NCL: variants seen among roughly 807,000 people sequenced by gnomAD.
The protein encoded by NCL is nucleolin multifunctional protein.
Under a neutral mutation model 77.7 loss-of-function variants are expected in NCL, and 4 were observed. The ratio of observed to expected loss-of-function variants is 0.05; its 90% CI spans 0.03 to 0.12. The LOEUF is 0.12. Among genes scored for constraint, NCL ranks in the 10% least tolerant of loss-of-function variants. The pLI is 1.00. For missense variants in NCL, 763 were observed against 860.9 expected (o/e 0.89, Z 1.42); for synonymous variants, 344 against 297.8 (o/e 1.16, Z -1.60).
chr2:231,456,900 AAATT>A (rs1171118298), intron 10 of NCL, 97 bp downstream of exon 10: 24 of 1,560,066 alleles, frequency 1.5e-5, no homozygotes, highest in Non-Finnish European at 2.1e-5. Flanking sequence ...TACGTAGCTA[AAATT>A]ATTTGGCTTT....
chr2:231,455,366 A>ATGCTATGTGGTGTCATTATC, intron 13 of NCL, 35 bp downstream of exon 13: 1 of 1,613,630 alleles, frequency 6.2e-7, no homozygotes, highest in Non-Finnish European at 8.5e-7. Context: ...TGAAGAGCAC[A>ATGCTATGTGGTGTCATTATC]TGCTATGTGG....
rs981199488 is a variant in NCL, at chr2:231,464,418, G to T, written c.-65C>A. Reference sequence around the variant, plus strand: ...AGTCCAGAAGAAGCCAAGCGACGGCGATGGCGGCCGCGGGTGCTGAAGATC... The same window carrying T: ...AGTCCAGAAGAAGCCAAGCGACGGCTATGGCGGCCGCGGGTGCTGAAGATC... On this transcript the variant is annotated 5_prime_UTR_variant, in exon 1 of 14. Transcript: ENST00000322723. 1.3e-6 allele frequency: 2 copies of T among 1,566,770 alleles called. No individual in the cohort carries two copies. Among genetic ancestry groups the T allele is most frequent in the African/African-American group, 2.7e-5 (2 of 73,680 alleles).
At chr2:231,458,609 C>T in intron 7 of NCL, 1 of 600,214 alleles carries the variant, frequency 1.7e-6, no homozygotes, top group South Asian at 2.2e-5. Flanking sequence ...GTTAGGTACA[C>T]TGGAGTTCAA....
chr2:231,456,550 A>G, intron 11 of NCL, 81 bp downstream of exon 11: 1 of 1,586,872 alleles, frequency 6.3e-7, no homozygotes, highest in South Asian at 1.1e-5. Context: ...TAGCAACAGG[A>G]AACACAGAAT....
intron 8 of NCL, 148 bp from the exon 9 acceptor site, chr2:231,457,948 C>G (rs1298528137): frequency 1.2e-6 from 1 of 805,680 alleles, no homozygotes; most frequent in East Asian, 2.9e-5. Context: ...GAGCTTCCCT[C>G]TTACTTCCCA....
intron 11 of NCL, 70 bp from the exon 12 acceptor site, chr2:231,456,206 A>G: frequency 6.3e-7 from 1 of 1,584,448 alleles, no homozygotes; most frequent in South Asian, 1.1e-5. Context: ...CACAATGCCT[A>G]GTATGACTAC....
At chr2:231,456,186 A>C (rs1159742931) in intron 11 of NCL, 50 bp from the exon 12 acceptor site, 1 of 1,609,350 alleles carries the variant, frequency 6.2e-7, no homozygotes, top group East Asian at 2.2e-5. Flanking sequence ...AGTTCGTAAC[A>C]CTGAATTTGC....
intron 6 of NCL, 110 bp from the exon 7 acceptor site, chr2:231,459,235 A>G: frequency 8.1e-7 from 1 of 1,234,662 alleles, no homozygotes; most frequent in East Asian, 2.8e-5. Context: ...ACATTTTAAA[A>G]AGCACCCCTA....
intron 6 of NCL, 64 bp from the exon 7 acceptor site, chr2:231,459,189 G>GTA: frequency 1.4e-6 from 2 of 1,462,060 alleles, no homozygotes; most frequent in South Asian, 1.5e-5. Flanking sequence ...TCCACAATAT[G>GTA]TATTCTAGAC....
intron 3 of NCL, among the ~76,000 whole-genome samples, 200 bp downstream of exon 3, chr2:231,461,340 T>C (rs555213306): frequency 4.0e-5 from 6 of 150,706 alleles, no homozygotes; most frequent in South Asian, 4.2e-4. Flanking sequence ...AAAACACTAA[T>C]AGAATGTGCT....
intron 6 of NCL, among the ~76,000 whole-genome samples, chr2:231,459,395 A>C (rs900393339): frequency 1.3e-5 from 2 of 152,176 alleles, no homozygotes; most frequent in African/African-American, 4.8e-5. Flanking sequence ...ACAAAAGAAC[A>C]CCTATAAGCA....
chr2:231,462,999 C>G (rs1448588461), intron 2 of NCL: 1 of 545,228 alleles, frequency 1.8e-6, no homozygotes, highest in African/African-American at 1.9e-5. Context: ...AAGAAATTCC[C>G]AGATCTCGTC....
In NCL at chr2:231,454,495, T is replaced by C. The variant is rs552168602; in HGVS notation, c.*696A>G. ...CCTGACTAATCTGTTCCTGCACCTC[T>C]TTCCAGAGTGGTCTTCAGGACATAA... On this transcript the variant is annotated 3_prime_UTR_variant, in exon 14 of 14. Transcript: ENST00000322723. 58 of 152,468 alleles carry C rather than the reference T, an allele frequency of 3.8e-4. No individual in the cohort carries two copies. Among genetic ancestry groups the C allele is most frequent in the African/African-American group, 1.3e-3 (53 of 41,572 alleles). 9.4% of individuals were successfully genotyped at this position (152,468 alleles called of 1,614,324 possible).
intron 7 of NCL, 80 bp downstream of exon 7, chr2:231,458,921 A>G: frequency 7.4e-7 from 1 of 1,354,938 alleles, no homozygotes; most frequent in South Asian, 1.9e-5. Flanking sequence ...AGAGGAAACC[A>G]AGGGAAATGG....
intron 6 of NCL, 87 bp downstream of exon 6, chr2:231,460,065 C>T (rs971835463): frequency 7.1e-5 from 98 of 1,375,476 alleles, no homozygotes; most frequent in Middle Eastern, 5.3e-4. Context: ...TCATGTTTAA[C>T]AGTAGCAGGC....
At position 231,464,007 on chromosome 2, in the gene NCL, G is replaced by A. The variant is rs1428955536; in HGVS notation, c.18+329C>T. On this transcript the variant is annotated intron_variant, in intron 1 of 13. Transcript: ENST00000322723. ...CCCACGTGGCAGGCCGCGCTCCCGG[G>A]CACGTGCGTCAGGAGTCGAGTCCCA... 5.2e-6 allele frequency: 4 copies of A among 765,876 alleles called. No homozygotes were observed. The Admixed American group carries it at 1.7e-4, about 32-fold the overall frequency. 47.4% of individuals were successfully genotyped at this position (765,876 alleles called of 1,614,324 possible). A position where few individuals can be genotyped will look rare whatever the true frequency, so the allele number is the denominator to read the frequency against.
chr2:231,455,277 G>C lies in NCL; in HGVS notation c.2057-10C>G, dbSNP rs767798540. On this transcript the variant is annotated splice_polypyrimidine_tract_variant and intron_variant, in intron 13 of 13. Transcript: ENST00000322723. ...CGGAAGCCTCCTCGCCCTACAGGAG[G>C]AAGGCAAGACACTGTTAAAAGAATG... is the stretch of plus-strand genomic sequence containing the variant. 6.2e-7 allele frequency: 1 copy of C among 1,614,142 alleles called. No homozygotes were observed. The highest frequency in any genetic ancestry group is 1.7e-5 in the Admixed American group (1 of 60,032).
At position 231,460,727 on chromosome 2, in the gene NCL, T is replaced by TTCG. The variant is rs66781921; in HGVS notation, c.750_752dup (p.Asp250dup). 5.7e-5 allele frequency: 92 copies of TTCG among 1,611,652 alleles called. 1 individual carries two copies. The highest frequency in any genetic ancestry group is 7.2e-5 in the Non-Finnish European group (85 of 1,177,832). On this transcript the variant is annotated inframe_insertion, in exon 4 of 14. Transcript: ENST00000322723. ...CTTCATCATCATCATCTTCATCATCTTCGTCGTCGTCGTCATCCTCGTCCT... is the reference window on the plus strand; with the variant it reads ...CTTCATCATCATCATCTTCATCATCTTCGTCGTCGTCGTCGTCATCCTCGTCCT...
rs781086666 is a variant in NCL, at chr2:231,458,888, G to T, written c.1165+113C>A. ...TTCCCACATTAAGAGGAAACCAAAG[G>T]AAAAAAATGATTTAAAAAAATAAGA... On this transcript the variant is annotated intron_variant, in intron 7 of 13. Transcript: ENST00000322723. 2.7e-5 allele frequency: 33 copies of T among 1,219,762 alleles called. No homozygotes were observed. In the East Asian group the frequency reaches 8.6e-4, roughly 32 times the overall value. The allele number at this position is 1,219,762 out of a possible 1,614,324, so 75.6% of individuals were successfully genotyped here. A position where few individuals can be genotyped will look rare whatever the true frequency, so the allele number is the denominator to read the frequency against.
Sources: gnomAD v4.1 joint callset for allele counts (sites outside exome capture counted in the v4.1 genomes callset) on GRCh38, gnomAD v4.1.1 for gene constraint, MANE v1.5 for transcripts, NCBI Gene and HGNC (gene_info 2026-07-23, HGNC 2026-07-21) for gene names.